SPECC1: variants seen among roughly 807,000 people sequenced by gnomAD.
SPECC1 encodes sperm antigen with calponin homology and coiled-coil domains 1.
Under a neutral mutation model 104.1 loss-of-function variants are expected in SPECC1, and 62 were observed. That is an observed-to-expected ratio of 0.60 (90% CI 0.49 to 0.74). The LOEUF (loss-of-function observed/expected upper bound fraction) is 0.74. SPECC1 is among the 30% of genes least tolerant of loss of function. The probability of loss-of-function intolerance (pLI) is 0.00; values close to 1 mark genes in which losing one functional copy is unlikely to be tolerated. For missense variants in SPECC1, 1,306 were observed against 1,310.5 expected, an observed-to-expected ratio of 1.00 and a Z score of 0.05; for synonymous variants, 513 against 501.6, an observed-to-expected ratio of 1.02 and a Z score of -0.30.
chr17:20,158,410 G>A (rs978137914), intron 3 of SPECC1, among the ~76,000 whole-genome samples: 1 of 152,220 alleles, frequency 6.6e-6, no homozygotes, highest in African/African-American at 2.4e-5. Flanking sequence ...TTCGAGACCA[G>A]CCTGGGCAAG....
intron 3 of SPECC1, among the ~76,000 whole-genome samples, chr17:20,125,425 G>A (rs954784505): frequency 6.7e-5 from 10 of 150,174 alleles, no homozygotes; most frequent in Non-Finnish European, 1.3e-4. Flanking sequence ...TCACATTGTG[G>A]TAGGAGATCT....
intron 1 of SPECC1, among the ~76,000 whole-genome samples, chr17:20,041,563 C>G (rs565324442): frequency 5.1e-5 from 7 of 136,598 alleles, no homozygotes; most frequent in African/African-American, 1.9e-4. Flanking sequence ...TCTTTTATTT[C>G]TTTGCCAAGA....
intron 1 of SPECC1, among the ~76,000 whole-genome samples, chr17:20,020,356 G>GA (rs1369904396): frequency 6.6e-6 from 1 of 151,236 alleles, no homozygotes; most frequent in Non-Finnish European, 1.5e-5. Context: ...ATTTTTTTGA[G>GA]ACAGAGTCTT....
chr17:20,133,505 G>T, intron 3 of SPECC1, among the ~76,000 whole-genome samples: 1 of 151,642 alleles, frequency 6.6e-6, no homozygotes, highest in Non-Finnish European at 1.5e-5. Context: ...TTCAGGCTTT[G>T]CTTTCTTAAG....
intron 3 of SPECC1, chr17:20,111,793 C>T (rs775140217): frequency 1.8e-5 from 14 of 765,204 alleles, no homozygotes; most frequent in Non-Finnish European, 2.8e-5. Flanking sequence ...AGGGTGGTGG[C>T]TCACTCAGGA....
chr17:20,188,212 T>C (rs993161494), intron 3 of SPECC1, among the ~76,000 whole-genome samples: 2 of 152,074 alleles, frequency 1.3e-5, no homozygotes. Context: ...CTTCCAGTTC[T>C]GAAATAACGT....
chr17:20,268,990 G>A (rs532737188), intron 12 of SPECC1, among the ~76,000 whole-genome samples: 11 of 152,276 alleles, frequency 7.2e-5, no homozygotes, highest in Admixed American at 3.3e-4. Flanking sequence ...CAGCAGATGG[G>A]GAGGGACACG....
chr17:20,201,567 G>A (rs910157243), intron 3 of SPECC1, among the ~76,000 whole-genome samples: 1 of 152,118 alleles, frequency 6.6e-6, no homozygotes, highest in African/African-American at 2.4e-5. Flanking sequence ...GATCAGTCCT[G>A]GACTCTCAGG....
At chr17:20,277,589 A>G (rs1299489634) in intron 12 of SPECC1, among the ~76,000 whole-genome samples, 2 of 152,038 alleles carry the variant, frequency 1.3e-5, no homozygotes, top group Non-Finnish European at 2.9e-5. Context: ...ATAACATGAA[A>G]TTTATCATTT....
chr17:20,238,652 T>C (rs929182501), intron 7 of SPECC1: 125 of 1,040,090 alleles, frequency 1.2e-4, no homozygotes, highest in Non-Finnish European at 1.4e-4. Context: ...ACTTAGATAC[T>C]TGTGAATAGG....
At chr17:20,210,759 G>T (rs1022187693) in intron 4 of SPECC1, among the ~76,000 whole-genome samples, 4 of 152,148 alleles carry the variant, frequency 2.6e-5, no homozygotes, top group Non-Finnish European at 4.4e-5. Context: ...GCTGCCTGGG[G>T]CACCACATGG....
chr17:20,225,106 G>C (rs2038120702), intron 4 of SPECC1, among the ~76,000 whole-genome samples: 1 of 152,066 alleles, frequency 6.6e-6, no homozygotes, highest in African/African-American at 2.4e-5. Context: ...ACCCGGAATG[G>C]GGGCTTCAGG....
At position 20,115,065 on chromosome 17, in the gene SPECC1, A is replaced by C. The variant is rs180768750; in HGVS notation, c.283+4503A>C. 2.2e-4 allele frequency among the ~76,000 whole-genome samples: 34 copies of C among 152,362 alleles called. No individual in the cohort carries two copies. In the East Asian group the frequency reaches 6.5e-3, roughly 29 times the overall value. ...ACTGCAGAAGGATCCGAAAGATATA[A>C]CATGGTGTGTTTAGAAACTGCAGAT... On this transcript the variant is annotated intron_variant, in intron 3 of 14. Coordinates refer to ENST00000395527, the MANE Select transcript of SPECC1 (RefSeq NM_001243439.2).
intron 3 of SPECC1, among the ~76,000 whole-genome samples, chr17:20,175,418 G>T (rs2034405973): frequency 6.6e-6 from 1 of 152,142 alleles, no homozygotes; most frequent in Admixed American, 6.5e-5. Flanking sequence ...TTCTGTGTGT[G>T]CCCTCTCCTG....
At chr17:20,179,719 T>G (rs2034734607) in intron 3 of SPECC1, among the ~76,000 whole-genome samples, 1 of 152,170 alleles carries the variant, frequency 6.6e-6, no homozygotes, top group South Asian at 2.1e-4. Context: ...GATGTCCAAT[T>G]GGATGCTGGT....
intron 3 of SPECC1, among the ~76,000 whole-genome samples, chr17:20,163,552 TTCTC>T (rs748754978): frequency 6.6e-5 from 10 of 151,826 alleles, no homozygotes; most frequent in East Asian, 1.9e-4. Flanking sequence ...AACATTTATA[TTCTC>T]TCTCTCTCTT....
At chr17:20,270,191 GTGA>G (rs886720429) in intron 12 of SPECC1, among the ~76,000 whole-genome samples, 8 of 152,032 alleles carry the variant, frequency 5.3e-5, no homozygotes, top group African/African-American at 1.9e-4. Flanking sequence ...CTAGGTAGTG[GTGA>G]TGGTTGCACA....
At chr17:20,122,567 C>T (rs570229636) in intron 3 of SPECC1, among the ~76,000 whole-genome samples, 13 of 152,296 alleles carry the variant, frequency 8.5e-5, no homozygotes, top group Admixed American at 2.0e-4. Context: ...ACAACCATCA[C>T]CACCTTCCAT....
At chr17:20,069,431 A>G (rs1052920031) in intron 1 of SPECC1, among the ~76,000 whole-genome samples, 4 of 152,128 alleles carry the variant, frequency 2.6e-5, no homozygotes. Flanking sequence ...AATACTGTCT[A>G]ATATAGTCAT....
Sources: allele counts gnomAD v4.1 joint callset (sites outside exome capture counted in the v4.1 genomes callset), GRCh38; gene constraint gnomAD v4.1.1; transcripts MANE v1.5; gene names NCBI Gene and HGNC (gene_info 2026-07-23, HGNC 2026-07-21).